The following PHACTR3 variants were observed in gnomAD, a reference collection of about 807,000 sequenced individuals.
PHACTR3 encodes the protein phosphatase and actin regulator 3.
A neutral mutation model predicts 66.8 loss-of-function variants in PHACTR3; 16 were observed. The ratio of observed to expected loss-of-function variants is 0.24; its 90% CI spans 0.16 to 0.36. The LOEUF (loss-of-function observed/expected upper bound fraction) is 0.36, where lower values mean the gene tolerates loss of function less well. Ranked by LOEUF, PHACTR3 falls within the 10% of genes least tolerant of loss-of-function variation. The pLI is 1.00. For missense variants in PHACTR3, 647 were observed against 719.9 expected (o/e 0.90, Z 1.16); for synonymous variants, 323 against 292.1 (o/e 1.11, Z -1.08).
chr20:59,735,571 T>C (rs1477687557), intron 1 of PHACTR3, among the ~76,000 whole-genome samples: 1 of 151,870 alleles, frequency 6.6e-6, no homozygotes, highest in Non-Finnish European at 1.5e-5. Context: ...GATGAAAAAA[T>C]ACCTGATGTC....
Position 59,664,279 on chromosome 20 carries a change from T to G in PHACTR3, c.118+59147T>G, listed in dbSNP as rs1302026041. Among the ~76,000 whole-genome samples the G allele has an allele frequency of 2.6e-5, 4 of 152,152 alleles. No homozygotes were observed. The East Asian group carries it at 7.7e-4, about 29-fold the overall frequency. ...ATATTGGATACATAGTTGTTATCTT[T>G]CTGTTTTCAAATTCCCCCAGCAACC... On this transcript the variant is annotated intron_variant, in intron 1 of 12. Transcript: ENST00000371015.
chr20:59,722,430 G>A (rs1428802960), intron 1 of PHACTR3, among the ~76,000 whole-genome samples: 2 of 152,244 alleles, frequency 1.3e-5, no homozygotes, highest in South Asian at 4.2e-4. Context: ...GCAACAAACA[G>A]GGCACGATCA....
chr20:59,747,899 A>C, intron 3 of PHACTR3, 64 bp downstream of exon 3: 227 of 1,533,188 alleles, frequency 1.5e-4, no homozygotes, highest in Non-Finnish European at 1.9e-4. Context: ...GGAAAGTCTC[A>C]CATGAGCCCA....
intron 9 of PHACTR3, among the ~76,000 whole-genome samples, chr20:59,838,593 T>C: frequency 6.6e-6 from 1 of 152,202 alleles, no homozygotes; most frequent in East Asian, 1.9e-4. Context: ...TTTGTGAGGT[T>C]TGCACTTTTT....
chr20:59,640,597 C>T (rs538392676), intron 1 of PHACTR3, among the ~76,000 whole-genome samples: 4 of 152,250 alleles, frequency 2.6e-5, no homozygotes, highest in South Asian at 2.1e-4. Flanking sequence ...TGGGCATGTG[C>T]GTGACTGTCA....
intron 7 of PHACTR3, among the ~76,000 whole-genome samples, chr20:59,790,311 T>C (rs901001503): frequency 5.9e-5 from 9 of 152,164 alleles, no homozygotes; most frequent in African/African-American, 1.9e-4. Flanking sequence ...CTAGAGAGTA[T>C]CTGAGACTGG....
At chr20:59,766,358 A>G (rs370529692) in intron 4 of PHACTR3, among the ~76,000 whole-genome samples, 2 of 152,346 alleles carry the variant, frequency 1.3e-5, no homozygotes, top group Admixed American at 6.5e-5. Context: ...TAATCCCCAG[A>G]TGAAACTTTT....
chr20:59,739,682 A>G (rs2039082630), intron 1 of PHACTR3, among the ~76,000 whole-genome samples: 1 of 152,028 alleles, frequency 6.6e-6, no homozygotes, highest in Non-Finnish European at 1.5e-5. Context: ...ACACATGGAG[A>G]TTATGGGGAT....
chr20:59,841,564 T>C (rs554954289), intron 11 of PHACTR3, 29 bp downstream of exon 11: 4 of 1,594,040 alleles, frequency 2.5e-6, no homozygotes, highest in Admixed American at 3.6e-5. Flanking sequence ...TGGTGGGGGG[T>C]GTTGGATGAT....
intron 1 of PHACTR3, among the ~76,000 whole-genome samples, chr20:59,741,134 C>G (rs2039144647): frequency 6.6e-6 from 1 of 152,234 alleles, no homozygotes. Context: ...TTGTGTTAGC[C>G]ACACCGTCCA....
chr20:59,669,646 C>T (rs1346207441), intron 1 of PHACTR3, among the ~76,000 whole-genome samples: 2 of 152,228 alleles, frequency 1.3e-5, no homozygotes, highest in African/African-American at 4.8e-5. Flanking sequence ...TTTCCCCCGG[C>T]CCCTGGCCAC....
chr20:59,802,815 G>T (rs1020866355), intron 7 of PHACTR3, among the ~76,000 whole-genome samples: 2 of 152,162 alleles, frequency 1.3e-5, no homozygotes, highest in African/African-American at 4.8e-5. Context: ...TAATATCAGG[G>T]TTTTACTTTT....
intron 1 of PHACTR3, among the ~76,000 whole-genome samples, chr20:59,710,802 A>G (rs1437001881): frequency 6.6e-6 from 1 of 151,376 alleles, no homozygotes. Context: ...CCTGCATCAT[A>G]CCTTCCTTTA....
At chr20:59,715,847 C>T (rs1300364988) in intron 1 of PHACTR3, among the ~76,000 whole-genome samples, 1 of 151,974 alleles carries the variant, frequency 6.6e-6, no homozygotes, top group Admixed American at 6.6e-5. Flanking sequence ...TCCATATTTT[C>T]TCCTAGTGGG....
chr20:59,677,147 G>A (rs1221417464), intron 1 of PHACTR3, among the ~76,000 whole-genome samples: 3 of 152,166 alleles, frequency 2.0e-5, no homozygotes, highest in South Asian at 2.1e-4. Flanking sequence ...TTGTAAGATC[G>A]TTTCCAGGAA....
intron 1 of PHACTR3, among the ~76,000 whole-genome samples, chr20:59,581,486 A>G (rs1343105272): frequency 6.6e-6 from 1 of 152,138 alleles, no homozygotes; most frequent in Admixed American, 6.5e-5. Context: ...CGCAGCTGTC[A>G]CCCCATTACT....
chr20:59,599,628 G>A (rs1055834140), upstream of PHACTR3, among the ~76,000 whole-genome samples: 3 of 152,014 alleles, frequency 2.0e-5, no homozygotes, highest in Non-Finnish European at 2.9e-5. Flanking sequence ...CCACCCTGTT[G>A]TCAGTATCAG....
chr20:59,580,297 C>T lies in PHACTR3; in HGVS notation c.109+2680C>T, dbSNP rs1035935172. Among the ~76,000 whole-genome samples, 7 of 152,252 alleles carry T rather than the reference C, an allele frequency of 4.6e-5. No homozygotes were observed. The East Asian group carries it at 1.4e-3, about 29-fold the overall frequency. On this transcript the variant is annotated intron_variant, in intron 1 of 12. Transcript: ENST00000359926. ...CCACAACTCTTTGGGCACTGTGATG[C>T]CAGACCTCAAGAAGGTCCCTTTGAC... is the stretch of plus-strand genomic sequence containing the variant.
chr20:59,773,310 G>A lies in PHACTR3; in HGVS notation c.783G>A (p.Met261Ile). 6.2e-7 allele frequency: 1 copy of A among 1,614,116 alleles called. No homozygotes were observed. The highest frequency in any genetic ancestry group is 8.5e-7 in the Non-Finnish European group (1 of 1,179,992). Reference protein sequence around the residue: ...GQATLFQASSMKSADPSLRGQ... With the variant: ...GQATLFQASSIKSADPSLRGQ... The stretch of plus-strand genomic sequence containing the variant: ...CCACACTCTTCCAAGCCTCCAGCAT[G>A]AAGAGTGCCGACCCTTCCCTCCGGG... Residue 261 changes from methionine to isoleucine, a missense_variant, in exon 6 of 13, where the codon ATG (methionine) becomes ATA (isoleucine). Physicochemically the swap from Met to Ile is conservative, Grantham distance 10. Transcript: ENST00000371015.
Sources: gnomAD v4.1 joint callset for allele counts (sites outside exome capture counted in the v4.1 genomes callset) on GRCh38, gnomAD v4.1.1 for gene constraint, MANE v1.5 for transcripts, NCBI Gene and HGNC (gene_info 2026-07-23, HGNC 2026-07-21) for gene names.